PPP4R1: variants seen among roughly 807,000 people sequenced by gnomAD.
The protein encoded by PPP4R1 is serine/threonine-protein phosphatase 4 regulatory subunit 1.
A neutral mutation model predicts 111.2 loss-of-function variants in PPP4R1; 42 were observed. The observed-to-expected ratio is 0.38, with a 90% confidence interval of 0.29 to 0.49. The LOEUF is 0.49. Among genes scored for constraint, PPP4R1 ranks in the 20% least tolerant of loss-of-function variants. PPP4R1 has a pLI of 0.97. For missense variants in PPP4R1, 1,012 were observed against 1,161.6 expected (o/e 0.87, Z 1.87); for synonymous variants, 409 against 405.5 (o/e 1.01, Z -0.10).
At chr18:9,553,635 C>T (rs1255703369) in intron 15 of PPP4R1, among the ~76,000 whole-genome samples, 3 of 152,190 alleles carry the variant, frequency 2.0e-5, no homozygotes, top group Middle Eastern at 3.2e-3. Flanking sequence ...GTCTGGAAAT[C>T]TTTGTTCCTT....
At chr18:9,582,849 T>C (rs1325260368) in intron 9 of PPP4R1, among the ~76,000 whole-genome samples, 1 of 152,170 alleles carries the variant, frequency 6.6e-6, no homozygotes, top group African/African-American at 2.4e-5. Context: ...ATTCCAAAGA[T>C]GCAAGTGGTT....
intron 6 of PPP4R1, among the ~76,000 whole-genome samples, chr18:9,586,823 C>T (rs1051547588): frequency 3.9e-5 from 6 of 152,024 alleles, no homozygotes; most frequent in Admixed American, 3.3e-4. Context: ...TACTACTATC[C>T]GAACTCAGGA....
At chr18:9,597,735 G>A (rs896975605) in intron 2 of PPP4R1, among the ~76,000 whole-genome samples, 5 of 152,044 alleles carry the variant, frequency 3.3e-5, no homozygotes, top group African/African-American at 9.7e-5. Flanking sequence ...AACAAAACTC[G>A]AGTATGTAAA....
At chr18:9,595,665 ATAC>A (rs1239780042) in intron 2 of PPP4R1, among the ~76,000 whole-genome samples, 1 of 152,214 alleles carries the variant, frequency 6.6e-6, no homozygotes, top group Non-Finnish European at 1.5e-5. Context: ...AACAATGAAA[ATAC>A]TAATGTTTCT....
At chr18:9,583,783 T>C (rs1475923797) in intron 8 of PPP4R1, among the ~76,000 whole-genome samples, 1 of 151,694 alleles carries the variant, frequency 6.6e-6, no homozygotes, top group Non-Finnish European at 1.5e-5. Context: ...TAAAAAATAA[T>C]GTATCTTAAA....
In PPP4R1 at chr18:9,569,992, C is replaced by T. The variant is rs75270038; in HGVS notation, c.1573+165G>A. ...CTCAACCTCCTGGTCTCAAGTGATCCTCCTGTCTCAACCTCTCAAAGTGCT... is the reference window on the plus strand; with the variant it reads ...CTCAACCTCCTGGTCTCAAGTGATCTTCCTGTCTCAACCTCTCAAAGTGCT... On this transcript the variant is annotated intron_variant, in intron 11 of 19. Transcript: ENST00000400556. Among the ~76,000 whole-genome samples the T allele has an allele frequency of 8.2e-3, 1,255 of 152,230 alleles. 19 individuals carry two copies. Among genetic ancestry groups the T allele is most frequent in the African/African-American group, 0.029 (1,184 of 41,508 alleles).
chr18:9,602,819 T>TAAAAAAAAAAAAAA (rs1598959589), intron 2 of PPP4R1, among the ~76,000 whole-genome samples: 3 of 110,408 alleles, frequency 2.7e-5, no homozygotes, highest in African/African-American at 1.5e-4. Flanking sequence ...AGACACTGTC[T>TAAAAAAAAAAAAAA]CAAAAAAAAA....
At position 9,570,464 on chromosome 18, in the gene PPP4R1, C is replaced by G; in HGVS notation, c.1266G>C (p.Glu422Asp). The G allele has an allele frequency of 6.2e-7, 1 of 1,614,146 alleles. No homozygotes were observed. The highest frequency in any genetic ancestry group is 8.5e-7 in the Non-Finnish European group (1 of 1,180,010). The change falls in exon 11 of 20, where the codon GAG becomes GAC. Residue 422 changes from glutamate (E) to aspartate (D), a missense_variant. Coordinates refer to ENST00000400556, the MANE Select transcript of PPP4R1 (RefSeq NM_001042388.3). ...SESHQEAASN[E>D]NDKKPGNYKS... ...TGTAGTTACCAGGTTTTTTATCATT[C>G]TCATTACTAGCTGCTTCCTGGTGAG...
chr18:9,582,992 A>G (rs1463408319), intron 9 of PPP4R1, 125 bp downstream of exon 9: 1 of 934,046 alleles, frequency 1.1e-6, no homozygotes, highest in Admixed American at 3.8e-5. Context: ...TCTACTGTCT[A>G]TTCCTAAAAG....
At chr18:9,561,218 CTAATAA>C (rs111924050) in intron 13 of PPP4R1, among the ~76,000 whole-genome samples, 15,422 of 138,960 alleles carry the variant, frequency 0.11, 895 homozygotes, top group East Asian at 0.17. Flanking sequence ...GACTCCATCT[CTAATAA>C]TAATAATAAT....
At chr18:9,602,669 G>C (rs2067408801) in intron 2 of PPP4R1, among the ~76,000 whole-genome samples, 1 of 151,956 alleles carries the variant, frequency 6.6e-6, no homozygotes, top group Non-Finnish European at 1.5e-5. Flanking sequence ...ACACCATCCT[G>C]GCCAACATGG....
intron 9 of PPP4R1, 22 bp from the exon 10 acceptor site, chr18:9,577,213 T>G: frequency 6.3e-7 from 1 of 1,585,420 alleles, no homozygotes; most frequent in Non-Finnish European, 8.6e-7. Context: ...AAAAGGACAA[T>G]AATAAAGGAA....
chr18:9,573,577 A>ATTGT (rs1320107506), intron 10 of PPP4R1, among the ~76,000 whole-genome samples: 19 of 152,346 alleles, frequency 1.2e-4, no homozygotes, highest in African/African-American at 1.7e-4. Flanking sequence ...ACTATCTAAT[A>ATTGT]AATACAATGA....
intron 2 of PPP4R1, among the ~76,000 whole-genome samples, chr18:9,600,946 G>T (rs2145297824): frequency 6.6e-6 from 1 of 152,194 alleles, no homozygotes; most frequent in Non-Finnish European, 1.5e-5. Context: ...TCAAAGACAA[G>T]GAGTATTACT....
intron 11 of PPP4R1, chr18:9,563,761 T>C (rs2066717107): frequency 2.3e-6 from 1 of 433,686 alleles, no homozygotes. Flanking sequence ...AGATTAAAAA[T>C]GTTTATCTGC....
chr18:9,605,580 A>G (rs1439825324), intron 2 of PPP4R1, among the ~76,000 whole-genome samples: 21 of 149,142 alleles, frequency 1.4e-4, no homozygotes, highest in Non-Finnish European at 2.4e-4. Context: ...AAAAAAAAAA[A>G]AAAAAAAAAA....
chr18:9,558,203 C>T (rs1225420241), intron 14 of PPP4R1, among the ~76,000 whole-genome samples: 1 of 152,100 alleles, frequency 6.6e-6, no homozygotes, highest in Non-Finnish European at 1.5e-5. Context: ...CCAGAATCCA[C>T]TCTTGAAATA....
intron 13 of PPP4R1, among the ~76,000 whole-genome samples, chr18:9,560,502 C>A (rs2066655562): frequency 6.6e-6 from 1 of 150,674 alleles, no homozygotes; most frequent in South Asian, 2.1e-4. Context: ...GAAGAAAAAA[C>A]TGAGAGGGGA....
In PPP4R1 at chr18:9,557,319, A is replaced by G; in HGVS notation, c.2092T>C (p.Leu698=). 8 of 1,612,838 alleles carry G rather than the reference A, an allele frequency of 5.0e-6. No individual in the cohort carries two copies. The highest frequency in any genetic ancestry group is 5.9e-6 in the Non-Finnish European group (7 of 1,179,550). ...HELAVILGDQ[L]TAADLVPIFN... ...ATTGGAACCAGATCTGCAGCTGTCA[A>G]TTGATCTCCAAGAATAACTGCAAGC... is the stretch of plus-strand genomic sequence containing the variant. Residue 698 remains leucine (L), a synonymous_variant, in exon 15 of 20, where the codon TTG becomes CTG. Transcript: ENST00000400556.
Sources: allele counts gnomAD v4.1 joint callset (sites outside exome capture counted in the v4.1 genomes callset), GRCh38; gene constraint gnomAD v4.1.1; transcripts MANE v1.5; gene names NCBI Gene and HGNC (gene_info 2026-07-23, HGNC 2026-07-21).